TMEM184B: variants seen among roughly 807,000 people sequenced by gnomAD.
TMEM184B encodes putative MAPK-activating protein FM08.
Under a neutral mutation model 41.8 loss-of-function variants are expected in TMEM184B, and 17 were observed. The observed-to-expected ratio is 0.41, with a 90% confidence interval of 0.28 to 0.61. The LOEUF (loss-of-function observed/expected upper bound fraction) is 0.61. Ranked by LOEUF, TMEM184B falls within the 20% of genes least tolerant of loss-of-function variation. TMEM184B has a pLI of 0.34. For synonymous variants in TMEM184B, 240 were observed against 229.5 expected, an observed-to-expected ratio of 1.05 and a Z score of -0.41; for missense variants, 393 against 557.8, an observed-to-expected ratio of 0.70 and a Z score of 2.98.
chr22:38,216,720 A>C (rs1407522391), downstream of TMEM184B, among the ~76,000 whole-genome samples: 1 of 151,990 alleles, frequency 6.6e-6, no homozygotes, highest in African/African-American at 2.4e-5. Flanking sequence ...AGCTCCTGGG[A>C]AGACAAAGCC....
downstream of TMEM184B, chr22:38,219,177 T>C (rs111956489): frequency 2.4e-6 from 2 of 832,112 alleles, no homozygotes; most frequent in African/African-American, 3.7e-5. Context: ...CACTGAAAGG[T>C]TACACACAGG....
intron 3 of TMEM184B, among the ~76,000 whole-genome samples, chr22:38,244,210 G>T (rs1486836936): frequency 6.6e-6 from 1 of 152,122 alleles, no homozygotes; most frequent in African/African-American, 2.4e-5. Flanking sequence ...AAGTTTCAAC[G>T]TGGAGAGGAA....
intron 3 of TMEM184B, among the ~76,000 whole-genome samples, chr22:38,240,240 T>C (rs916886641): frequency 6.6e-6 from 1 of 151,940 alleles, no homozygotes; most frequent in Non-Finnish European, 1.5e-5. Flanking sequence ...AAAACTGCAA[T>C]GACCATCCCC....
At chr22:38,218,344 G>A (rs1325275024), downstream of TMEM184B, among the ~76,000 whole-genome samples, 1 of 152,174 alleles carries the variant, frequency 6.6e-6, no homozygotes, top group East Asian at 1.9e-4. Flanking sequence ...CTTAGCTGTG[G>A]GATCTTTGGT....
At chr22:38,243,240 G>A (rs996643429) in intron 3 of TMEM184B, among the ~76,000 whole-genome samples, 3 of 152,138 alleles carry the variant, frequency 2.0e-5, no homozygotes, top group East Asian at 1.9e-4. Context: ...CAGGGCAGGC[G>A]GGGCCTGAAC....
chr22:38,225,106 G>T lies in TMEM184B; in HGVS notation c.788-127C>A. Reference sequence around the variant, plus strand: ...TGTGAGCAGGGCCACAGCTGCTCCTGCAGGGCAGGGGTAGCGACACAAGGC... The same window carrying T: ...TGTGAGCAGGGCCACAGCTGCTCCTTCAGGGCAGGGGTAGCGACACAAGGC... On this transcript the variant is annotated intron_variant, in intron 7 of 8. Transcript: ENST00000361906. This position sits in a 1 kb window ranked among gnomAD's most constrained non-coding sequence, Gnocchi z 4.4. 2 of 1,138,910 alleles carry T rather than the reference G, an allele frequency of 1.8e-6. No homozygotes were observed. Among genetic ancestry groups the T allele is most frequent in the Non-Finnish European group, 2.4e-6 (2 of 830,208 alleles). 70.6% of individuals were successfully genotyped at this position (1,138,910 alleles called of 1,614,324 possible). A position where few individuals can be genotyped will look rare whatever the true frequency, so the allele number is the denominator to read the frequency against.
chr22:38,251,124 G>A (rs2092152765), intron 1 of TMEM184B, among the ~76,000 whole-genome samples: 1 of 152,208 alleles, frequency 6.6e-6, no homozygotes, highest in South Asian at 2.1e-4. Context: ...AGCAGGAGGG[G>A]AGGCAGGTCC....
chr22:38,226,669 C>CCA lies in TMEM184B; in HGVS notation c.617+108_617+109dup, dbSNP rs1467467211. 2 of 1,107,298 alleles carry CCA rather than the reference C, an allele frequency of 1.8e-6. No homozygotes were observed. The highest frequency in any genetic ancestry group is 3.1e-5 in the African/African-American group (2 of 64,514). The allele number at this position is 1,107,298 out of a possible 1,614,324, so 68.6% of individuals were successfully genotyped here. On this transcript the variant is annotated intron_variant, in intron 6 of 8. Transcript: ENST00000361906. This position sits in a 1 kb window ranked among gnomAD's most constrained non-coding sequence, Gnocchi z 4.6. Reference sequence around the variant, plus strand: ...CAGGGGGGTTGTGAGCACCAGACACCCAGGAAGGTCATGGCTGTGCGGCCA... The same window carrying CCA: ...CAGGGGGGTTGTGAGCACCAGACACCCACAGGAAGGTCATGGCTGTGCGGCCA...
downstream of TMEM184B, among the ~76,000 whole-genome samples, chr22:38,216,852 C>A (rs1048122800): frequency 4.7e-5 from 7 of 149,468 alleles, no homozygotes; most frequent in Non-Finnish European, 1.0e-4. Context: ...AAGAGCAACC[C>A]GGGCAACATA....
chr22:38,253,130 A>G (rs1190633840), intron 1 of TMEM184B, among the ~76,000 whole-genome samples: 1 of 152,184 alleles, frequency 6.6e-6, no homozygotes, highest in Non-Finnish European at 1.5e-5. Flanking sequence ...TGACAGAGCC[A>G]GACGCAGTCT....
intron 1 of TMEM184B, among the ~76,000 whole-genome samples, chr22:38,249,344 C>G (rs893537822): frequency 5.9e-5 from 9 of 152,112 alleles, no homozygotes; most frequent in Non-Finnish European, 1.5e-5. Context: ...AGATGGGGGT[C>G]TCCCTATGCT....
chr22:38,268,374 C>CAAA (rs34786032), intron 1 of TMEM184B, among the ~76,000 whole-genome samples: 1,561 of 121,612 alleles, frequency 0.013, 25 homozygotes, highest in South Asian at 0.029. Flanking sequence ...GACCCTGTCT[C>CAAA]AAAAAAAAAA....
At chr22:38,260,067 C>T (rs1269166931) in intron 1 of TMEM184B, among the ~76,000 whole-genome samples, 1 of 151,926 alleles carries the variant, frequency 6.6e-6, no homozygotes, top group East Asian at 1.9e-4. Context: ...CGTGCCACCA[C>T]GTCCTGCTAA....
intron 3 of TMEM184B, among the ~76,000 whole-genome samples, chr22:38,236,561 G>A (rs951987731): frequency 1.3e-5 from 2 of 151,806 alleles, no homozygotes; most frequent in South Asian, 2.1e-4. Flanking sequence ...ACGGCTCACC[G>A]CAGCCTTGAC....
At chr22:38,224,746 C>A in intron 8 of TMEM184B, 39 bp downstream of exon 8, 1 of 1,531,028 alleles carries the variant, frequency 6.5e-7, no homozygotes, top group Non-Finnish European at 8.8e-7. Flanking sequence ...GGGCTCCCTG[C>A]TTCTCCCAGC....
chr22:38,246,915 A>T lies in TMEM184B; in HGVS notation c.193-815T>A, dbSNP rs529925987. ...GGAGGAAAAGAACAAAATATTCTCCATCTGCTATGAGCCAAAAGCCTTGGA... is the reference window on the plus strand; with the variant it reads ...GGAGGAAAAGAACAAAATATTCTCCTTCTGCTATGAGCCAAAAGCCTTGGA... On this transcript the variant is annotated intron_variant, in intron 2 of 8. Transcript: ENST00000361906. 38 of 1,280,490 alleles carry T rather than the reference A, an allele frequency of 3.0e-5. No individual in the cohort carries two copies. In the African/African-American group the frequency reaches 4.9e-4, roughly 17 times the overall value. The allele number at this position is 1,280,490 out of a possible 1,614,324, so 79.3% of individuals were successfully genotyped here.
rs879776425 is a variant in TMEM184B, at chr22:38,220,111, T to G, written c.*1358A>C. 1.9e-4 allele frequency: 186 copies of G among 985,278 alleles called. No individual in the cohort carries two copies. Among genetic ancestry groups the G allele is most frequent in the Non-Finnish European group, 2.0e-4 (167 of 829,958 alleles). 61.0% of individuals were successfully genotyped at this position (985,278 alleles called of 1,614,324 possible). On this transcript the variant is annotated 3_prime_UTR_variant, in exon 9 of 9. Transcript: ENST00000361906. ...TCTGGGTTTTAAATGCCAGGACACT[T>G]TGCCTGTAGGGACACGTGTTGTGAC...
intron 1 of TMEM184B, among the ~76,000 whole-genome samples, chr22:38,255,461 C>T (rs939527997): frequency 1.1e-4 from 17 of 152,244 alleles, no homozygotes; most frequent in African/African-American, 4.1e-4. Context: ...CGTGAGCCAC[C>T]ATGCCTGGCC....
Position 38,231,300 on chromosome 22 carries a change from A to G in TMEM184B, c.393T>C (p.Tyr131=), listed in dbSNP as rs185644334. ...LVIYNFLSLC[Y]EYLGGESSIM... ...TGGAACTTTCTCCTCCTAGGTACTC[A>G]TAGCACAGGCTCAGGAAATTATAGA... The change falls in exon 4 of 9, where the codon TAT becomes TAC. Residue 131 remains tyrosine, a synonymous_variant. Coordinates refer to ENST00000361906, the MANE Select transcript of TMEM184B (RefSeq NM_012264.5). 1.9e-6 allele frequency: 3 copies of G among 1,614,158 alleles called. No homozygotes were observed. The East Asian group carries it at 6.7e-5, about 36-fold the overall frequency.
Sources: allele counts gnomAD v4.1 joint callset (sites outside exome capture counted in the v4.1 genomes callset), GRCh38; gene constraint gnomAD v4.1.1; non-coding constraint Gnocchi (gnomAD v3.1); transcripts MANE v1.5; gene names NCBI Gene and HGNC (gene_info 2026-07-23, HGNC 2026-07-21).